PXYLP1: variants seen among roughly 807,000 people sequenced by gnomAD.
PXYLP1 encodes the protein acid phosphatase-like 2.
A neutral mutation model predicts 37.9 loss-of-function variants in PXYLP1; 17 were observed. The ratio of observed to expected loss-of-function variants is 0.45; its 90% CI spans 0.31 to 0.67. The LOEUF (loss-of-function observed/expected upper bound fraction) is 0.67. PXYLP1 is among the 30% of genes least tolerant of loss of function. PXYLP1 has a pLI of 0.07. For missense variants in PXYLP1, 511 were observed against 612.0 expected (o/e 0.84, Z 1.74); for synonymous variants, 221 against 232.2 (o/e 0.95, Z 0.44).
chr3:141,249,796 AGTAAC>A (rs1260727436), intron 1 of PXYLP1, among the ~76,000 whole-genome samples: 2 of 152,240 alleles, frequency 1.3e-5, no homozygotes, highest in African/African-American at 4.8e-5. Flanking sequence ...AGAGCAAAGC[AGTAAC>A]GTTGGATGGA....
chr3:141,270,892 T>C (rs1017504686), intron 2 of PXYLP1, among the ~76,000 whole-genome samples: 4 of 152,198 alleles, frequency 2.6e-5, no homozygotes, highest in Middle Eastern at 3.4e-3. Context: ...ATAGCATTCA[T>C]TCATTCATTC....
rs545080015 is a variant in PXYLP1 at position 141,281,875 on chromosome 3, G to A, written c.365+2371G>A. Among the ~76,000 whole-genome samples the A allele has an allele frequency of 1.4e-4, 22 of 152,286 alleles. No individual in the cohort carries two copies. The South Asian group carries it at 4.1e-3, about 29-fold the overall frequency. On this transcript the variant is annotated intron_variant, in intron 4 of 5. Transcript: ENST00000286353. Reference sequence around the variant, plus strand: ...TTAGTTTCACAGGCTCAAGCGTGGAGTGGAAAACTGGGTAGGAACTAGGTT... The same window carrying A: ...TTAGTTTCACAGGCTCAAGCGTGGAATGGAAAACTGGGTAGGAACTAGGTT...
chr3:141,274,799 G>A lies in PXYLP1; in HGVS notation c.80-3543G>A, dbSNP rs2148802785. Among the ~76,000 whole-genome samples the A allele has an allele frequency of 2.6e-5, 4 of 152,346 alleles. No homozygotes were observed. The Middle Eastern group carries it at 0.014, about 518-fold the overall frequency. On this transcript the variant is annotated intron_variant, in intron 2 of 5. Coordinates refer to ENST00000286353, the MANE Select transcript of PXYLP1 (RefSeq NM_001037172.3). Reference sequence around the variant, plus strand: ...AGGAACTGGGTAGGCTCATAGAAGAGGATGTGGGAACTGGGGATTCAGGGC... The same window carrying A: ...AGGAACTGGGTAGGCTCATAGAAGAAGATGTGGGAACTGGGGATTCAGGGC...
chr3:141,265,480 G>C (rs1381473618), intron 2 of PXYLP1, among the ~76,000 whole-genome samples: 2 of 151,918 alleles, frequency 1.3e-5, no homozygotes, highest in Non-Finnish European at 2.9e-5. Context: ...CCAATCCAGA[G>C]GCTTGTGAAA....
chr3:141,289,504 G>C (rs1576608880), intron 5 of PXYLP1, among the ~76,000 whole-genome samples: 1 of 152,056 alleles, frequency 6.6e-6, no homozygotes, highest in Admixed American at 6.6e-5. Context: ...GCTGAGAACT[G>C]CTGCTTAGAT....
At chr3:141,247,137 C>T (rs935921062) in intron 1 of PXYLP1, among the ~76,000 whole-genome samples, 1 of 152,230 alleles carries the variant, frequency 6.6e-6, no homozygotes, top group African/African-American at 2.4e-5. Context: ...GGCACCTGCC[C>T]AGCTGACCCA....
intron 2 of PXYLP1, chr3:141,262,658 A>G: frequency 6.5e-7 from 1 of 1,529,448 alleles, no homozygotes; most frequent in Non-Finnish European, 8.7e-7. Context: ...TGAGCTCTTT[A>G]TTCTTGGATA....
intron 5 of PXYLP1, among the ~76,000 whole-genome samples, chr3:141,289,383 C>G (rs1397811551): frequency 6.6e-6 from 1 of 152,138 alleles, no homozygotes; most frequent in African/African-American, 2.4e-5. Context: ...ACACGTGTCC[C>G]TTCTGGAGAC....
At chr3:141,262,178 A>G (rs1266290528) in intron 2 of PXYLP1, 1 of 616,404 alleles carries the variant, frequency 1.6e-6, no homozygotes, top group Non-Finnish European at 2.0e-6. Flanking sequence ...ATTTCCATGT[A>G]CATGCATATG....
intron 4 of PXYLP1, among the ~76,000 whole-genome samples, chr3:141,285,458 A>C (rs1010057410): frequency 6.6e-6 from 1 of 151,954 alleles, no homozygotes; most frequent in African/African-American, 2.4e-5. Flanking sequence ...CTATTCTTTA[A>C]ATGAAGTTTT....
chr3:141,245,517 A>G (rs540583606), intron 1 of PXYLP1, among the ~76,000 whole-genome samples: 2 of 152,114 alleles, frequency 1.3e-5, no homozygotes, highest in Admixed American at 1.3e-4. Context: ...TGTTCATTGC[A>G]TTCTCTCCAA....
Position 141,292,631 on chromosome 3 carries a change from G to C in PXYLP1, c.869G>C (p.Arg290Thr). 1 of 1,613,820 alleles carries C rather than the reference G, an allele frequency of 6.2e-7. No individual in the cohort carries two copies. Among genetic ancestry groups the C allele is most frequent in the Non-Finnish European group, 8.5e-7 (1 of 1,179,854 alleles). ...KIVDVPTKQLRAANPIDSMLC... is the reference protein window; with the variant it reads ...KIVDVPTKQLTAANPIDSMLC... ...GTGGATGTCCCCACCAAGCAGCTTA[G>C]AGCTGCCAACCCCATAGACTCCATG... The change falls in exon 6 of 6, where the codon AGA (arginine) becomes ACA (threonine). Residue 290 changes from arginine (R) to threonine (T), a missense_variant. Transcript: ENST00000286353. This position sits in a 1 kb window ranked among gnomAD's most constrained non-coding sequence, Gnocchi z 4.3.
intron 5 of PXYLP1, among the ~76,000 whole-genome samples, chr3:141,291,407 TAA>T (rs2148847398): frequency 6.6e-6 from 1 of 152,322 alleles, no homozygotes; most frequent in South Asian, 2.1e-4. Flanking sequence ...AAAACAGTAC[TAA>T]GAAGTAAACT....
chr3:141,274,252 C>T lies in PXYLP1; in HGVS notation c.80-4090C>T, dbSNP rs368499136. On this transcript the variant is annotated intron_variant, in intron 2 of 5. Transcript: ENST00000286353. ...GAGTAGCACAGCACCAGGGCAGAGGCGGCCTGCAGCCCGGGGTCTGCTCCT... is the reference window on the plus strand; with the variant it reads ...GAGTAGCACAGCACCAGGGCAGAGGTGGCCTGCAGCCCGGGGTCTGCTCCT... 20 of 1,259,436 alleles carry T rather than the reference C, an allele frequency of 1.6e-5. No individual in the cohort carries two copies. In the African/African-American group the frequency reaches 2.1e-4, roughly 13 times the overall value. 78.0% of individuals were successfully genotyped at this position (1,259,436 alleles called of 1,614,324 possible).
chr3:141,237,884 A>C (rs1195910136), intron 1 of PXYLP1, among the ~76,000 whole-genome samples: 1 of 152,172 alleles, frequency 6.6e-6, no homozygotes, highest in East Asian at 1.9e-4. Context: ...ACAGGCACTC[A>C]TTTTGACTCA....
chr3:141,278,976 C>T (rs893236675), intron 3 of PXYLP1, among the ~76,000 whole-genome samples: 1 of 152,176 alleles, frequency 6.6e-6, no homozygotes, highest in African/African-American at 2.4e-5. Flanking sequence ...GTGTTGAATC[C>T]TTATTGATCT....
intron 2 of PXYLP1, among the ~76,000 whole-genome samples, chr3:141,263,920 A>G (rs897081660): frequency 1.3e-5 from 2 of 152,248 alleles, no homozygotes; most frequent in African/African-American, 2.4e-5. Context: ...GTGCACCATC[A>G]TCAGAAACCA....
chr3:141,242,462 G>T (rs1033421230), intron 1 of PXYLP1, among the ~76,000 whole-genome samples: 1 of 152,224 alleles, frequency 6.6e-6, no homozygotes, highest in Non-Finnish European at 1.5e-5. Context: ...GGAAAAGAGG[G>T]CTGAGCCAGG....
intron 1 of PXYLP1, among the ~76,000 whole-genome samples, chr3:141,237,919 T>G (rs531951424): frequency 6.6e-6 from 1 of 152,176 alleles, no homozygotes; most frequent in Non-Finnish European, 1.5e-5. Flanking sequence ...ATGCTGGTTG[T>G]TTTAACTGTC....
Sources: gnomAD v4.1 joint callset for allele counts (sites outside exome capture counted in the v4.1 genomes callset) on GRCh38, gnomAD v4.1.1 for gene constraint, Gnocchi (gnomAD v3.1) non-coding constraint, MANE v1.5 for transcripts, NCBI Gene and HGNC (gene_info 2026-07-23, HGNC 2026-07-21) for gene names.